The following CNN3 variants were observed in gnomAD, a reference collection of about 807,000 sequenced individuals.
CNN3 encodes the protein calponin 3, also known as calponin-3.
Under a neutral mutation model 39.0 loss-of-function variants are expected in CNN3, and 11 were observed. The ratio of observed to expected loss-of-function variants is 0.28; its 90% CI spans 0.18 to 0.47. The LOEUF is 0.47. CNN3 is among the 20% of genes least tolerant of loss of function. CNN3 has a pLI of 0.99. For missense variants in CNN3, 266 were observed against 403.4 expected, an observed-to-expected ratio of 0.66 and a Z score of 2.92; for synonymous variants, 101 against 138.3, an observed-to-expected ratio of 0.73 and a Z score of 1.89.
chr1:94,899,232 T>C, intron 6 of CNN3, 139 bp downstream of exon 6: 1 of 914,408 alleles, frequency 1.1e-6, no homozygotes, highest in Non-Finnish European at 1.5e-6. Flanking sequence ...CTTTTGATTA[T>C]TTTGCTTTCC....
rs114431873 is a variant in CNN3, at chr1:94,905,855, C to G, written c.58-2331G>C. 9.0e-3 allele frequency among the ~76,000 whole-genome samples: 1,366 copies of G among 152,208 alleles called. 23 individuals are homozygous for G. The highest frequency in any genetic ancestry group is 0.031 in the African/African-American group (1,307 of 41,548). ...AGATTACAGGCATGAGCCACCACCC[C>G]CTGCCTCCATTACTCCTATTATACC... On this transcript the variant is annotated intron_variant, in intron 1 of 6. Coordinates refer to ENST00000370206, the MANE Select transcript of CNN3 (RefSeq NM_001839.5).
chr1:94,903,592 C>T (rs867648988), intron 1 of CNN3, 68 bp from the exon 2 acceptor site: 81 of 1,597,474 alleles, frequency 5.1e-5, no homozygotes, highest in Middle Eastern at 3.3e-4. Context: ...ACTCACAACG[C>T]GCTCTGCTTT....
intron 1 of CNN3, among the ~76,000 whole-genome samples, chr1:94,909,876 TGGG>T (rs1276171598): frequency 2.0e-5 from 3 of 152,030 alleles, no homozygotes; most frequent in Non-Finnish European, 4.4e-5. Flanking sequence ...GAAAAAAAGA[TGGG>T]GGCACATCTG....
At chr1:94,901,890 A>C in intron 4 of CNN3, 105 bp from the exon 5 acceptor site, 3 of 797,426 alleles carry the variant, frequency 3.8e-6, no homozygotes, top group Non-Finnish European at 6.2e-6. Flanking sequence ...ACTAGAGATA[A>C]AAAGTATTTA....
chr1:94,901,646 A>G (rs908089675), intron 5 of CNN3, 23 bp downstream of exon 5: 1 of 1,478,930 alleles, frequency 6.8e-7, no homozygotes, highest in Non-Finnish European at 9.5e-7. Flanking sequence ...AAGTAATTGA[A>G]TAAGCAACAC....
At chr1:94,923,794 C>T (rs1671508585) in intron 1 of CNN3, among the ~76,000 whole-genome samples, 1 of 152,162 alleles carries the variant, frequency 6.6e-6, no homozygotes, top group Admixed American at 6.5e-5. Flanking sequence ...TTTTCTGTTA[C>T]TAAGAGCTAA....
chr1:94,911,103 TG>T (rs1051017793), intron 1 of CNN3, among the ~76,000 whole-genome samples: 3 of 152,176 alleles, frequency 2.0e-5, no homozygotes, highest in Non-Finnish European at 4.4e-5. Flanking sequence ...ATGTATCTTA[TG>T]GGGGGTGGGA....
intron 1 of CNN3, among the ~76,000 whole-genome samples, chr1:94,906,379 G>C (rs1046156373): frequency 3.3e-5 from 5 of 152,146 alleles, no homozygotes; most frequent in Admixed American, 3.3e-4. Context: ...GGAGGTGGTG[G>C]TATGAAAGGG....
Position 94,903,489 on chromosome 1 carries a change from ATCT to A in CNN3, c.90_92del (p.Glu30del). ...TCACCTCTTCTATCCAATTGCGAAG[ATCT>A]TCTTCTGCCTGATGATCATACTTGG... On this transcript the variant is annotated inframe_deletion, in exon 2 of 7. Coordinates refer to ENST00000370206, the MANE Select transcript of CNN3 (RefSeq NM_001839.5). The A allele has an allele frequency of 6.2e-7, 1 of 1,613,980 alleles. No homozygotes were observed. The highest frequency in any genetic ancestry group is 8.5e-7 in the Non-Finnish European group (1 of 1,179,956).
intron 5 of CNN3, 106 bp downstream of exon 5, chr1:94,901,562 CA>C: frequency 1.5e-6 from 1 of 684,610 alleles, no homozygotes. Context: ...ACCCCCCCCC[CA>C]GTACTATAGT....
chr1:94,900,616 T>A (rs974566402), intron 5 of CNN3, among the ~76,000 whole-genome samples: 3 of 149,018 alleles, frequency 2.0e-5, no homozygotes, highest in African/African-American at 7.5e-5. Flanking sequence ...AATACAATTT[T>A]GTACTGTGTA....
At chr1:94,920,109 T>C (rs1365801652) in intron 1 of CNN3, among the ~76,000 whole-genome samples, 1 of 152,188 alleles carries the variant, frequency 6.6e-6, no homozygotes, top group Admixed American at 6.5e-5. Flanking sequence ...ATCAACCTGT[T>C]AGAAAAAGCA....
intron 1 of CNN3, among the ~76,000 whole-genome samples, chr1:94,917,097 C>T (rs1040622546): frequency 7.9e-5 from 12 of 152,144 alleles, no homozygotes; most frequent in Non-Finnish European, 1.2e-4. Context: ...ATTGCAATGG[C>T]GCGATCTTGG....
At chr1:94,921,751 C>G (rs533421484) in intron 1 of CNN3, among the ~76,000 whole-genome samples, 3 of 152,280 alleles carry the variant, frequency 2.0e-5, no homozygotes, top group Admixed American at 6.5e-5. Context: ...GTGAGCCTGA[C>G]GATAATCCTC....
At chr1:94,901,895 T>C (rs553019399) in intron 4 of CNN3, 110 bp from the exon 5 acceptor site, 5 of 773,452 alleles carry the variant, frequency 6.5e-6, no homozygotes, top group South Asian at 1.7e-5. Flanking sequence ...AGATAAAAAG[T>C]ATTTAAGGCT....
intron 1 of CNN3, 115 bp from the exon 2 acceptor site, chr1:94,903,639 A>G: frequency 7.3e-7 from 1 of 1,369,982 alleles, no homozygotes; most frequent in Non-Finnish European, 1.0e-6. Flanking sequence ...AAGTGTAGTA[A>G]ATGACACTCA....
chr1:94,902,805 T>G (rs1425876871), intron 3 of CNN3, among the ~76,000 whole-genome samples: 1 of 152,086 alleles, frequency 6.6e-6, no homozygotes, highest in Non-Finnish European at 1.5e-5. Flanking sequence ...GTTTTTTCCC[T>G]TATCCTTAAG....
intron 3 of CNN3, 23 bp from the exon 4 acceptor site, chr1:94,902,281 A>G: frequency 1.3e-6 from 2 of 1,591,990 alleles, no homozygotes; most frequent in South Asian, 2.2e-5. Context: ...AGAGTTTTAT[A>G]ATTTCTGGAG....
chr1:94,924,059 G>A (rs1289701683), intron 1 of CNN3: 5 of 152,272 alleles, frequency 3.3e-5, no homozygotes, highest in Admixed American at 6.5e-5. Flanking sequence ...ATGAGATGTG[G>A]GGGTAGATGG....
Sources: gnomAD v4.1 joint callset for allele counts (sites outside exome capture counted in the v4.1 genomes callset) on GRCh38, gnomAD v4.1.1 for gene constraint, MANE v1.5 for transcripts, NCBI Gene and HGNC (gene_info 2026-07-23, HGNC 2026-07-21) for gene names.